Variants in C12orf42 observed in about 807,000 individuals in gnomAD.
C12orf42 encodes chromosome 12 open reading frame 42.
Under a neutral mutation model 21.6 loss-of-function variants are expected in C12orf42, and 25 were observed. That is an observed-to-expected ratio of 1.16 (90% CI 0.84 to 1.62). The LOEUF (loss-of-function observed/expected upper bound fraction) is 1.62. C12orf42 is among the 40% of genes most tolerant of loss of function. The pLI is 0.00. For missense variants in C12orf42, 483 were observed against 459.3 expected, an observed-to-expected ratio of 1.05 and a Z score of -0.47; for synonymous variants, 174 against 175.0, an observed-to-expected ratio of 0.99 and a Z score of 0.05.
chr12:103,452,806 C>T (rs191013594), intron 2 of C12orf42, among the ~76,000 whole-genome samples: 24 of 151,612 alleles, frequency 1.6e-4, no homozygotes, highest in African/African-American at 5.1e-4. Context: ...TGTTCTCACT[C>T]ATAGGTGGGA....
chr12:103,074,286 G>C, the C12orf42 span, among the ~76,000 whole-genome samples: 1 of 152,036 alleles, frequency 6.6e-6, no homozygotes, highest in Non-Finnish European at 1.5e-5. Flanking sequence ...ATTTACAAAC[G>C]CTTATTTTTC....
chr12:103,050,221 TG>T, the C12orf42 span, among the ~76,000 whole-genome samples: 1 of 40,676 alleles, frequency 2.5e-5, no homozygotes, highest in East Asian at 4.0e-4. Context: ...TTCTCACAGG[TG>T]TGTGTGTGTG....
At chr12:103,431,233 A>G (rs1218834814) in intron 2 of C12orf42, 1 of 152,200 alleles carries the variant, frequency 6.6e-6, no homozygotes, top group Non-Finnish European at 1.5e-5. Context: ...CCAGGGAGAT[A>G]CCATTATTTC....
At chr12:103,556,272 T>G in the C12orf42 span, among the ~76,000 whole-genome samples, 1 of 152,224 alleles carries the variant, frequency 6.6e-6, no homozygotes, top group Non-Finnish European at 1.5e-5. Flanking sequence ...TCTTATTGTC[T>G]GGACCAGTAT....
the C12orf42 span, among the ~76,000 whole-genome samples, chr12:103,092,362 G>T: frequency 2.0e-5 from 3 of 152,080 alleles, no homozygotes; most frequent in African/African-American, 7.2e-5. Context: ...TGCACGGGGG[G>T]AAAAAACAGC....
chr12:103,305,924 A>G, intron 5 of C12orf42, 50 bp downstream of exon 5: 3 of 1,546,596 alleles, frequency 1.9e-6, no homozygotes, highest in Non-Finnish European at 2.6e-6. Context: ...TAAAAACAAA[A>G]TGTGACCAGT....
At chr12:103,174,164 C>T in the C12orf42 span, among the ~76,000 whole-genome samples, 1 of 152,212 alleles carries the variant, frequency 6.6e-6, no homozygotes, top group Non-Finnish European at 1.5e-5. Flanking sequence ...ATTACTATAA[C>T]AATCCTATTA....
At position 103,445,571 on chromosome 12, in the gene C12orf42, A is replaced by C. The variant is rs115936087; in HGVS notation, c.78+32778T>G. The stretch of plus-strand genomic sequence containing the variant: ...GGCCATCAGCATAGGTTATTCTGTA[A>C]AATGCTTGTGCAAGTCCTTTCTCAT... On this transcript the variant is annotated intron_variant, in intron 2 of 5. Transcript: ENST00000548883. Among the ~76,000 whole-genome samples, 328 of 152,058 alleles carry C rather than the reference A, an allele frequency of 2.2e-3. 2 individuals carry two copies. Among genetic ancestry groups the C allele is most frequent in the African/African-American group, 7.6e-3 (317 of 41,462 alleles).
the C12orf42 span, among the ~76,000 whole-genome samples, chr12:103,111,776 T>G: frequency 6.6e-6 from 1 of 152,192 alleles, no homozygotes; most frequent in Non-Finnish European, 1.5e-5. Flanking sequence ...ACACAGAATT[T>G]TAAGAGTCAT....
the C12orf42 span, among the ~76,000 whole-genome samples, chr12:103,148,321 T>A: frequency 2.0e-5 from 3 of 152,182 alleles, no homozygotes; most frequent in Non-Finnish European, 1.5e-5. Context: ...CCCTTAAATT[T>A]GACTTCGGTG....
the C12orf42 span, among the ~76,000 whole-genome samples, chr12:103,102,083 G>A: frequency 6.6e-6 from 1 of 152,138 alleles, no homozygotes. Flanking sequence ...GATTCAAGGG[G>A]TGGGAGAAGA....
chr12:103,074,499 G>C, the C12orf42 span, among the ~76,000 whole-genome samples: 2 of 152,058 alleles, frequency 1.3e-5, no homozygotes, highest in African/African-American at 4.8e-5. Context: ...ATGCAAGATG[G>C]AAAACCTTAC....
chr12:103,176,401 A>G, the C12orf42 span, among the ~76,000 whole-genome samples: 3 of 152,190 alleles, frequency 2.0e-5, no homozygotes, highest in Non-Finnish European at 4.4e-5. Context: ...TTTATAACAG[A>G]GAAAACAGCA....
the C12orf42 span, chr12:103,557,843 A>G: frequency 6.6e-6 from 1 of 152,226 alleles, no homozygotes; most frequent in African/African-American, 2.4e-5. Flanking sequence ...AAGTGACTCA[A>G]AACCAAAAAG....
At chr12:103,514,428 G>A in the C12orf42 span, among the ~76,000 whole-genome samples, 21 of 152,278 alleles carry the variant, frequency 1.4e-4, no homozygotes, top group East Asian at 3.9e-3. Context: ...CCTGGAAGAC[G>A]GGAAGAGCTA....
chr12:103,108,586 T>C, the C12orf42 span, among the ~76,000 whole-genome samples: 1 of 152,098 alleles, frequency 6.6e-6, no homozygotes, highest in Non-Finnish European at 1.5e-5. Flanking sequence ...TAAAAACTTT[T>C]AACAAAATGG....
downstream of C12orf42, among the ~76,000 whole-genome samples, chr12:103,232,996 T>TA (rs1414456774): frequency 6.6e-6 from 1 of 152,224 alleles, no homozygotes; most frequent in Non-Finnish European, 1.5e-5. Flanking sequence ...GTAAGTGAGA[T>TA]ATGTGTCACC....
chr12:103,143,746 CTGTT>C, the C12orf42 span, among the ~76,000 whole-genome samples: 1 of 152,236 alleles, frequency 6.6e-6, no homozygotes, highest in African/African-American at 2.4e-5. Flanking sequence ...AATCACAGGA[CTGTT>C]TGGGGAAATT....
intron 2 of C12orf42, among the ~76,000 whole-genome samples, chr12:103,418,656 T>G (rs2049585660): frequency 6.6e-6 from 1 of 152,148 alleles, no homozygotes; most frequent in South Asian, 2.1e-4. Context: ...ATCGCCTTGT[T>G]GAAAATAACA....
Sources: gnomAD v4.1 joint callset for allele counts (sites outside exome capture counted in the v4.1 genomes callset) on GRCh38, gnomAD v4.1.1 for gene constraint, MANE v1.5 for transcripts, NCBI Gene and HGNC (gene_info 2026-07-23, HGNC 2026-07-21) for gene names.